The following SOX5 variants were observed in gnomAD, a reference collection of about 807,000 sequenced individuals.
The protein encoded by SOX5 is SRY-box transcription factor 5, also known as transcription factor SOX-5.
A neutral mutation model predicts 92.0 loss-of-function variants in SOX5; 9 were observed. The ratio of observed to expected loss-of-function variants is 0.10; its 90% CI spans 0.06 to 0.17. The LOEUF (loss-of-function observed/expected upper bound fraction) is 0.17, where lower values mean the gene tolerates loss of function less well. SOX5 is among the 10% of genes least tolerant of loss of function. The probability of loss-of-function intolerance (pLI) is 1.00; values close to 1 mark genes in which losing one functional copy is unlikely to be tolerated. For synonymous variants in SOX5, 344 were observed against 336.3 expected (o/e 1.02, Z -0.25); for missense variants, 642 against 944.5 (o/e 0.68, Z 4.20).
chr12:24,087,570 T>C (rs1340983283), intron 4 of SOX5, among the ~76,000 whole-genome samples: 3 of 152,086 alleles, frequency 2.0e-5, no homozygotes, highest in Non-Finnish European at 4.4e-5. Context: ...ATGATTAAAA[T>C]GGCAGATAAT....
intron 11 of SOX5, among the ~76,000 whole-genome samples, chr12:23,559,539 T>C (rs894727384): frequency 6.6e-6 from 1 of 152,236 alleles, no homozygotes; most frequent in Non-Finnish European, 1.5e-5. Flanking sequence ...AAAATGACTT[T>C]CATGATGTGT....
chr12:23,554,599 G>A (rs139591309), intron 11 of SOX5, among the ~76,000 whole-genome samples: 1 of 152,044 alleles, frequency 6.6e-6, no homozygotes, highest in African/African-American at 2.4e-5. Context: ...ACATTACAGA[G>A]TGAGAACAAA....
At chr12:24,481,422 A>T (rs1945983784) in intron 1 of SOX5, among the ~76,000 whole-genome samples, 1 of 152,174 alleles carries the variant, frequency 6.6e-6, no homozygotes, top group South Asian at 2.1e-4. Flanking sequence ...AAAGAGTATA[A>T]TTGGACTGTT....
At chr12:23,709,810 G>A (rs191820038) in intron 6 of SOX5, among the ~76,000 whole-genome samples, 1 of 152,110 alleles carries the variant, frequency 6.6e-6, no homozygotes. Context: ...TAGTATCAAC[G>A]TAACTTTGAA....
intron 1 of SOX5, among the ~76,000 whole-genome samples, chr12:24,528,458 G>C (rs1004045161): frequency 6.6e-6 from 1 of 152,176 alleles, no homozygotes; most frequent in Non-Finnish European, 1.5e-5. Flanking sequence ...CCTGGTGGTT[G>C]TAACAAGTTT....
chr12:24,475,993 T>TA (rs71450741), intron 1 of SOX5, among the ~76,000 whole-genome samples: 13,657 of 85,768 alleles, frequency 0.16, 797 homozygotes, highest in East Asian at 0.31. Flanking sequence ...GAAATACATT[T>TA]AAAAAAAAAA....
intron 3 of SOX5, among the ~76,000 whole-genome samples, chr12:23,791,345 C>T (rs2095471831): frequency 6.6e-6 from 1 of 152,194 alleles, no homozygotes; most frequent in African/African-American, 2.4e-5. Flanking sequence ...GGCTGGAATG[C>T]AGTGGCTATT....
chr12:24,532,492 C>G (rs1182107536), intron 1 of SOX5, among the ~76,000 whole-genome samples: 2 of 152,200 alleles, frequency 1.3e-5, no homozygotes, highest in Non-Finnish European at 2.9e-5. Flanking sequence ...TGGACACAGA[C>G]CCAGGAGCCA....
At chr12:24,429,392 G>A (rs2137034587) in intron 1 of SOX5, among the ~76,000 whole-genome samples, 1 of 152,136 alleles carries the variant, frequency 6.6e-6, no homozygotes, top group African/African-American at 2.4e-5. Context: ...GAAATGCTAT[G>A]TAGTGGGCAA....
intron 2 of SOX5, among the ~76,000 whole-genome samples, chr12:24,342,531 C>T (rs1397950468): frequency 6.6e-6 from 1 of 152,214 alleles, no homozygotes; most frequent in Non-Finnish European, 1.5e-5. Context: ...TGAAACTTGA[C>T]ATAATCCTAT....
At chr12:23,662,512 T>A (rs562877247) in intron 7 of SOX5, among the ~76,000 whole-genome samples, 4 of 152,232 alleles carry the variant, frequency 2.6e-5, no homozygotes, top group African/African-American at 7.2e-5. Flanking sequence ...TTAAATGATA[T>A]ACATTCTAGT....
At position 24,300,267 on chromosome 12, in the gene SOX5, C is replaced by T. The variant is rs138675428; in HGVS notation, c.-173-22955G>A. 1.6e-3 allele frequency among the ~76,000 whole-genome samples: 244 copies of T among 152,166 alleles called. 1 individual carries two copies. Among genetic ancestry groups the T allele is most frequent in the African/African-American group, 5.1e-3 (213 of 41,514 alleles). On this transcript the variant is annotated intron_variant, in intron 2 of 4. Coordinates refer to the SOX5 transcript ENST00000446891. ...AACCTGTGGATATAGGAAAGGGAGA[C>T]CCTACATTTAAGAATTAAAGTATAC...
At chr12:23,988,772 A>C (rs969317632) in intron 4 of SOX5, among the ~76,000 whole-genome samples, 1 of 152,128 alleles carries the variant, frequency 6.6e-6, no homozygotes, top group African/African-American at 2.4e-5. Flanking sequence ...GAATTAAGTG[A>C]AGTTAGAGGG....
At chr12:24,075,741 C>T (rs1019299292) in intron 4 of SOX5, among the ~76,000 whole-genome samples, 1 of 152,112 alleles carries the variant, frequency 6.6e-6, no homozygotes, top group Admixed American at 6.5e-5. Context: ...CACTGAATCT[C>T]ATGGCTTGTT....
At chr12:23,831,362 T>C (rs1231080554) in intron 3 of SOX5, among the ~76,000 whole-genome samples, 2 of 152,210 alleles carry the variant, frequency 1.3e-5, no homozygotes, top group Middle Eastern at 3.4e-3. Context: ...AACTGTCCAA[T>C]CCAGTCCCAC....
At chr12:24,143,449 T>A (rs1950774650) in intron 4 of SOX5, among the ~76,000 whole-genome samples, 1 of 152,144 alleles carries the variant, frequency 6.6e-6, no homozygotes, top group Admixed American at 6.6e-5. Flanking sequence ...ATATTCTACA[T>A]GTTTAAAAAC....
intron 3 of SOX5, among the ~76,000 whole-genome samples, chr12:23,817,060 A>G (rs1039910594): frequency 6.6e-6 from 1 of 152,178 alleles, no homozygotes; most frequent in African/African-American, 2.4e-5. Context: ...TATTTGTGTT[A>G]TATATTTGTG....
At chr12:24,341,771 A>G (rs1005369543) in intron 2 of SOX5, among the ~76,000 whole-genome samples, 5 of 152,168 alleles carry the variant, frequency 3.3e-5, no homozygotes, top group African/African-American at 9.6e-5. Flanking sequence ...ACCTTCAACA[A>G]TAGTGGCTTC....
rs73073856 is a variant in SOX5, at chr12:23,683,166, C to T, written c.811-17602G>A. 4.2e-3 allele frequency among the ~76,000 whole-genome samples: 635 copies of T among 151,936 alleles called. 2 individuals are homozygous for T. Among genetic ancestry groups the T allele is most frequent in the South Asian group, 6.8e-3 (33 of 4,822 alleles). ...AATGTGATAAGCAAGTAACTAAGCC[C>T]TAATGATGGTGTAAATCTGAGTGTT... is the stretch of plus-strand genomic sequence containing the variant. On this transcript the variant is annotated intron_variant, in intron 6 of 14. Coordinates refer to ENST00000451604, the MANE Select transcript of SOX5 (RefSeq NM_006940.6).
Sources: gnomAD v4.1 joint callset for allele counts (sites outside exome capture counted in the v4.1 genomes callset) on GRCh38, gnomAD v4.1.1 for gene constraint, MANE v1.5 for transcripts, NCBI Gene and HGNC (gene_info 2026-07-23, HGNC 2026-07-21) for gene names.